The following SORCS3 variants were observed in gnomAD, a reference collection of about 807,000 sequenced individuals.
SORCS3 encodes sortilin related VPS10 domain containing receptor 3, also known as VPS10 domain-containing receptor SorCS3.
In SORCS3, 57 loss-of-function variants were observed where a neutral mutation model predicts 146.3. The ratio of observed to expected loss-of-function variants is 0.39; its 90% CI spans 0.31 to 0.49. The LOEUF (loss-of-function observed/expected upper bound fraction) is 0.49, where lower values mean the gene tolerates loss of function less well. SORCS3 is among the 20% of genes least tolerant of loss of function. The pLI is 0.92. For synonymous variants in SORCS3, 653 were observed against 618.5 expected, an observed-to-expected ratio of 1.06 and a Z score of -0.83; for missense variants, 1,341 against 1,575.5, an observed-to-expected ratio of 0.85 and a Z score of 2.52.
chr10:105,256,779 A>T, intron 24 of SORCS3, 40 bp from the exon 25 acceptor site: 1 of 1,497,508 alleles, frequency 6.7e-7, no homozygotes, highest in Non-Finnish European at 9.3e-7. Context: ...CTTCCAAGTG[A>T]GCATATCTGT....
At chr10:104,743,226 A>AGGTGTTTGCATAACTC (rs952449306) in intron 1 of SORCS3, among the ~76,000 whole-genome samples, 1 of 152,176 alleles carries the variant, frequency 6.6e-6, no homozygotes, top group African/African-American at 2.4e-5. Context: ...AGTAAGTGCC[A>AGGTGTTTGCATAACTC]GGTGTTTGCA....
chr10:105,139,613 C>T, intron 8 of SORCS3, 127 bp downstream of exon 8: 1 of 678,170 alleles, frequency 1.5e-6, no homozygotes, highest in South Asian at 1.9e-5. Flanking sequence ...ACTCACTCAC[C>T]ACCAAGTCGT....
chr10:104,783,979 A>T (rs2017403969), intron 1 of SORCS3, among the ~76,000 whole-genome samples: 1 of 152,242 alleles, frequency 6.6e-6, no homozygotes, highest in African/African-American at 2.4e-5. Context: ...TTGGGAAAAT[A>T]CTGTGTATTA....
At chr10:104,723,927 C>A (rs1180006293) in intron 1 of SORCS3, among the ~76,000 whole-genome samples, 1 of 152,134 alleles carries the variant, frequency 6.6e-6, no homozygotes, top group African/African-American at 2.4e-5. Flanking sequence ...GACTCTTTAT[C>A]CAGTTTGCCA....
intron 20 of SORCS3, among the ~76,000 whole-genome samples, chr10:105,227,683 T>A (rs2056741971): frequency 6.6e-6 from 1 of 152,134 alleles, no homozygotes; most frequent in Non-Finnish European, 1.5e-5. Context: ...CATCTCTCCC[T>A]TTAGATCAAC....
rs573786736 is a variant in SORCS3, at chr10:105,042,245, A to G, written c.955-810A>G. ...TACAGTGGTGGCACCGTGGAAGCTT[A>G]GTAACTAACTCTGCCTGGGCAGATT... is the stretch of plus-strand genomic sequence containing the variant. On this transcript the variant is annotated intron_variant, in intron 4 of 26. Coordinates refer to ENST00000369701, the MANE Select transcript of SORCS3 (RefSeq NM_014978.3). Among the ~76,000 whole-genome samples, 3 of 152,344 alleles carry G rather than the reference A, an allele frequency of 2.0e-5. No homozygotes were observed. The East Asian group carries it at 5.8e-4, about 29-fold the overall frequency.
chr10:104,807,196 C>A (rs746873446), intron 1 of SORCS3, among the ~76,000 whole-genome samples: 1 of 151,322 alleles, frequency 6.6e-6, no homozygotes, highest in Non-Finnish European at 1.5e-5. Context: ...TGTGTGTGTG[C>A]GCATGTGTGT....
At chr10:105,211,957 G>A (rs1046460339) in intron 17 of SORCS3, among the ~76,000 whole-genome samples, 7 of 152,064 alleles carry the variant, frequency 4.6e-5, no homozygotes, top group Non-Finnish European at 1.0e-4. Context: ...GGGGTGGTGG[G>A]GAAATTTTTC....
At chr10:105,247,371 AG>A (rs2056873408) in intron 22 of SORCS3, 40 bp downstream of exon 22, 2 of 1,151,352 alleles carry the variant, frequency 1.7e-6, no homozygotes, top group African/African-American at 3.1e-5. Context: ...TTGTGAATAA[AG>A]AAAAGAACTA....
At chr10:104,757,694 C>T (rs2017070090) in intron 1 of SORCS3, among the ~76,000 whole-genome samples, 1 of 152,024 alleles carries the variant, frequency 6.6e-6, no homozygotes, top group Admixed American at 6.6e-5. Flanking sequence ...TGTGAACTTT[C>T]TCTTCATTTT....
At chr10:105,066,469 G>A (rs570105213) in intron 5 of SORCS3, among the ~76,000 whole-genome samples, 5 of 152,272 alleles carry the variant, frequency 3.3e-5, no homozygotes, top group Admixed American at 3.3e-4. Context: ...GGCCACAAAA[G>A]GCTGCTTTTT....
chr10:104,940,232 ATATATAT>A (rs1224854189), intron 3 of SORCS3, among the ~76,000 whole-genome samples: 5 of 22,442 alleles, frequency 2.2e-4, no homozygotes, highest in African/African-American at 3.5e-4. Flanking sequence ...ATATATATAT[ATATATAT>A]TTTTTTTTTT....
chr10:104,877,266 C>T (rs1263360656), intron 2 of SORCS3, among the ~76,000 whole-genome samples: 1 of 152,110 alleles, frequency 6.6e-6, no homozygotes, highest in Non-Finnish European at 1.5e-5. Flanking sequence ...ATTATTATTT[C>T]GTCTTAAATG....
intron 6 of SORCS3, among the ~76,000 whole-genome samples, chr10:105,104,927 G>T (rs1028490351): frequency 2.0e-5 from 3 of 152,048 alleles, no homozygotes; most frequent in Non-Finnish European, 4.4e-5. Flanking sequence ...TTAATTCATG[G>T]GCATTGAGCC....
intron 1 of SORCS3, among the ~76,000 whole-genome samples, chr10:104,726,281 G>A (rs945849161): frequency 2.0e-5 from 3 of 152,174 alleles, no homozygotes; most frequent in African/African-American, 7.2e-5. Context: ...AGCCTTAGAG[G>A]AACATCTGGT....
At chr10:105,086,055 G>A (rs1172144986) in intron 5 of SORCS3, among the ~76,000 whole-genome samples, 1 of 151,992 alleles carries the variant, frequency 6.6e-6, no homozygotes, top group East Asian at 1.9e-4. Flanking sequence ...TATCAGGCAA[G>A]GAATATTTCT....
chr10:104,705,465 T>C (rs1439528727), intron 1 of SORCS3, among the ~76,000 whole-genome samples: 1 of 152,236 alleles, frequency 6.6e-6, no homozygotes, highest in Non-Finnish European at 1.5e-5. Flanking sequence ...CTTACCTTTA[T>C]CAGGTCTTTG....
At chr10:104,790,091 G>A (rs4244257) in intron 1 of SORCS3, among the ~76,000 whole-genome samples, 38,473 of 152,116 alleles carry the variant, frequency 0.25, 5,485 homozygotes, top group East Asian at 0.65. Context: ...TTCTTTCCCC[G>A]TGCAGAAGCA....
At position 104,948,510 on chromosome 10, in the gene SORCS3, T is replaced by C. The variant is rs557625840; in HGVS notation, c.796-28825T>C. Among the ~76,000 whole-genome samples the C allele has an allele frequency of 2.3e-4, 35 of 152,266 alleles. No homozygotes were observed. The South Asian group carries it at 6.8e-3, about 30-fold the overall frequency. ...CTGGGAACTGAGTTTGCAAATGAATTAATTTGATTCACAGCATTTTATGGA... is the reference window on the plus strand; with the variant it reads ...CTGGGAACTGAGTTTGCAAATGAATCAATTTGATTCACAGCATTTTATGGA... On this transcript the variant is annotated intron_variant, in intron 3 of 26. Coordinates refer to ENST00000369701, the MANE Select transcript of SORCS3 (RefSeq NM_014978.3).
Sources: gnomAD v4.1 joint callset for allele counts (sites outside exome capture counted in the v4.1 genomes callset) on GRCh38, gnomAD v4.1.1 for gene constraint, MANE v1.5 for transcripts, NCBI Gene and HGNC (gene_info 2026-07-23, HGNC 2026-07-21) for gene names.